Variants in CCDC169 observed in about 807,000 individuals in gnomAD.
The protein encoded by CCDC169 is coiled-coil domain containing 169.
In CCDC169, 30 loss-of-function variants were observed where a neutral mutation model predicts 36.0. The ratio of observed to expected loss-of-function variants is 0.83; its 90% confidence interval spans 0.62 to 1.13. The LOEUF (loss-of-function observed/expected upper bound fraction) is 1.13, where lower values mean the gene tolerates loss of function less well. Among genes scored for constraint, CCDC169 ranks in the 50% most tolerant of loss-of-function variants. CCDC169 has a pLI of 0.00. For missense variants in CCDC169, 245 were observed against 245.9 expected, an observed-to-expected ratio of 1.00 and a Z score of 0.03; for synonymous variants, 85 against 81.5, an observed-to-expected ratio of 1.04 and a Z score of -0.23.
intron 4 of CCDC169, among the ~76,000 whole-genome samples, chr13:36,277,869 C>T (rs1022275593): frequency 1.5e-4 from 22 of 151,352 alleles, no homozygotes; most frequent in African/African-American, 5.1e-4. Context: ...CGCTTGAACC[C>T]GGGAAGCTGA....
intron 4 of CCDC169, among the ~76,000 whole-genome samples, chr13:36,270,699 A>G (rs1875936406): frequency 1.3e-5 from 2 of 152,164 alleles, no homozygotes; most frequent in Admixed American, 1.3e-4. Context: ...TAAATGGTGC[A>G]GGGAAAACTA....
downstream of CCDC169, chr13:36,226,487 G>T (rs938705431): frequency 2.0e-5 from 3 of 152,192 alleles, no homozygotes; most frequent in Non-Finnish European, 4.4e-5. Context: ...AGTTCAGGTG[G>T]TAATGCTTGC....
intron 7 of CCDC169, among the ~76,000 whole-genome samples, chr13:36,245,303 T>G (rs1872364794): frequency 6.7e-6 from 1 of 149,052 alleles, no homozygotes; most frequent in East Asian, 2.0e-4. Context: ...TGTGTTTTTG[T>G]TTTTTTTTTC....
chr13:36,254,687 T>C (rs563405972), intron 4 of CCDC169, among the ~76,000 whole-genome samples: 49 of 152,326 alleles, frequency 3.2e-4, no homozygotes, highest in Admixed American at 3.3e-4. Flanking sequence ...CTATCTTTAT[T>C]TGAAAAACGG....
intron 4 of CCDC169, among the ~76,000 whole-genome samples, chr13:36,276,623 T>TG: frequency 6.6e-6 from 1 of 152,286 alleles, no homozygotes; most frequent in East Asian, 1.9e-4. Context: ...CCAAGCTGCC[T>TG]GGGTGTAGTG....
intron 7 of CCDC169, among the ~76,000 whole-genome samples, chr13:36,247,458 C>T (rs1015385328): frequency 6.6e-6 from 1 of 152,240 alleles, no homozygotes; most frequent in East Asian, 1.9e-4. Flanking sequence ...ATTCTAGATG[C>T]CACTAAGAAC....
chr13:36,281,451 G>GA (rs888241475), intron 4 of CCDC169, among the ~76,000 whole-genome samples: 4 of 147,926 alleles, frequency 2.7e-5, no homozygotes, highest in African/African-American at 2.5e-5. Context: ...TGAACCTCAA[G>GA]AAAAAAAAAA....
chr13:36,231,093 A>G lies in CCDC169; in HGVS notation c.*100T>C, dbSNP rs1870372411. 3.4e-6 allele frequency: 5 copies of G among 1,460,050 alleles called. No homozygotes were observed. Among genetic ancestry groups the G allele is most frequent in the East Asian group, 2.5e-5 (1 of 39,926 alleles). The allele number at this position is 1,460,050 out of a possible 1,614,324, so 90.4% of individuals were successfully genotyped here. Reference sequence around the variant, plus strand: ...AAGAAAAATGTGGCAGTTCTTATCTATTTTATTCCCTGAAGAAATGTGCTG... The same window carrying G: ...AAGAAAAATGTGGCAGTTCTTATCTGTTTTATTCCCTGAAGAAATGTGCTG... On this transcript the variant is annotated 3_prime_UTR_variant, in exon 8 of 8. Coordinates refer to ENST00000239859, the MANE Select transcript of CCDC169 (RefSeq NM_001144981.3).
chr13:36,236,076 C>A (rs1871040733), intron 7 of CCDC169, among the ~76,000 whole-genome samples: 2 of 151,862 alleles, frequency 1.3e-5, no homozygotes, highest in South Asian at 4.2e-4. Flanking sequence ...GCAACACTAC[C>A]CAAAGTGATC....
At chr13:36,226,860 G>A (rs1240502989), downstream of CCDC169, 6 of 345,530 alleles carry the variant, frequency 1.7e-5, no homozygotes, top group Non-Finnish European at 3.1e-5. Flanking sequence ...CAGTCCCTGG[G>A]TGATGGGATT....
At chr13:36,262,011 AGAG>A (rs1224197687) in intron 4 of CCDC169, among the ~76,000 whole-genome samples, 1 of 152,180 alleles carries the variant, frequency 6.6e-6, no homozygotes, top group African/African-American at 2.4e-5. Context: ...AAAACCATTA[AGAG>A]GTGCCCCTGT....
At chr13:36,283,201 T>C (rs1361649817) in intron 4 of CCDC169, 1 of 442,652 alleles carries the variant, frequency 2.3e-6, no homozygotes, top group Non-Finnish European at 4.0e-6. Flanking sequence ...AGTATTTGTC[T>C]ATATCTTTCT....
At chr13:36,233,304 AAAC>A in intron 7 of CCDC169, among the ~76,000 whole-genome samples, 1 of 152,318 alleles carries the variant, frequency 6.6e-6, no homozygotes, top group South Asian at 2.1e-4. Context: ...GCAGCAGCAA[AAAC>A]AGTGACAACA....
intron 2 of CCDC169, among the ~76,000 whole-genome samples, chr13:36,285,053 T>G (rs2138618675): frequency 6.6e-6 from 1 of 152,314 alleles, no homozygotes; most frequent in East Asian, 1.9e-4. Context: ...CTTTATAACT[T>G]GCTACCTAAA....
chr13:36,248,771 C>G, intron 6 of CCDC169, 89 bp from the exon 7 acceptor site: 1 of 1,188,360 alleles, frequency 8.4e-7, no homozygotes, highest in Non-Finnish European at 1.2e-6. Flanking sequence ...TTAACTCTCC[C>G]ATAACCAGGT....
At chr13:36,295,364 C>T (rs747713815) in intron 2 of CCDC169, among the ~76,000 whole-genome samples, 1 of 152,138 alleles carries the variant, frequency 6.6e-6, no homozygotes, top group African/African-American at 2.4e-5. Flanking sequence ...ACACAGCATC[C>T]TCCACACCAA....
At chr13:36,227,258 G>A (rs542327259), downstream of CCDC169, 37 of 1,551,236 alleles carry the variant, frequency 2.4e-5, no homozygotes, top group Admixed American at 2.0e-4. Flanking sequence ...GTAAGCAGGC[G>A]GGCCAGAGTG....
At chr13:36,283,273 G>A (rs1877761513) in intron 4 of CCDC169, 196 bp downstream of exon 4, 5 of 606,044 alleles carry the variant, frequency 8.3e-6, no homozygotes, top group South Asian at 2.1e-5. Flanking sequence ...CAGGACACCT[G>A]TGAATATAGC....
At chr13:36,281,962 ATAGTT>A (rs1183925468) in intron 4 of CCDC169, among the ~76,000 whole-genome samples, 4 of 152,264 alleles carry the variant, frequency 2.6e-5, no homozygotes, top group South Asian at 2.1e-4. Flanking sequence ...CTTTAATGAT[ATAGTT>A]TAAAGATAAC....
Sources: allele counts gnomAD v4.1 joint callset (sites outside exome capture counted in the v4.1 genomes callset), GRCh38; gene constraint gnomAD v4.1.1; transcripts MANE v1.5; gene names NCBI Gene and HGNC (gene_info 2026-07-23, HGNC 2026-07-21).